Variants in DAB1 observed in about 807,000 individuals in gnomAD.
DAB1 encodes the protein DAB adaptor protein 1.
In DAB1, 15 loss-of-function variants were observed where a neutral mutation model predicts 64.6. The ratio of observed to expected loss-of-function variants is 0.23; its 90% CI spans 0.16 to 0.36. The LOEUF (loss-of-function observed/expected upper bound fraction) is 0.36. DAB1 is among the 10% of genes least tolerant of loss of function. The pLI is 1.00. For synonymous variants in DAB1, 235 were observed against 251.9 expected, an observed-to-expected ratio of 0.93 and a Z score of 0.64; for missense variants, 596 against 706.7, an observed-to-expected ratio of 0.84 and a Z score of 1.78.
chr1:58,385,174 G>A (rs1273255926), intron 3 of DAB1, among the ~76,000 whole-genome samples: 1 of 152,198 alleles, frequency 6.6e-6, no homozygotes, highest in Non-Finnish European at 1.5e-5. Flanking sequence ...ATTGATTGTG[G>A]TGATGGTAGC....
intron 1 of DAB1, among the ~76,000 whole-genome samples, chr1:57,349,536 G>A (rs1678404273): frequency 6.6e-6 from 1 of 152,174 alleles, no homozygotes. Context: ...CTCTGACGAA[G>A]GTCATCGGGA....
At chr1:57,695,352 GAAAAGAAAGAAGA>G (rs1646819120) in intron 6 of DAB1, among the ~76,000 whole-genome samples, 1 of 52,972 alleles carries the variant, frequency 1.9e-5, no homozygotes, top group African/African-American at 6.1e-5. Flanking sequence ...AAGAAAGAAA[GAAAAGAAAGAAGA>G]AAGAAAGAAA....
chr1:58,076,454 G>C (rs1360605873), intron 5 of DAB1, among the ~76,000 whole-genome samples: 1 of 152,152 alleles, frequency 6.6e-6, no homozygotes, highest in Non-Finnish European at 1.5e-5. Context: ...GGTTCCTGCA[G>C]AGTGGAAATC....
At chr1:58,439,995 G>T (rs1479911731) in intron 3 of DAB1, among the ~76,000 whole-genome samples, 2 of 152,186 alleles carry the variant, frequency 1.3e-5, no homozygotes, top group African/African-American at 4.8e-5. Context: ...TCTCTACGTG[G>T]TCACCTGGGA....
chr1:57,241,185 T>A (rs1558006690), intron 2 of DAB1, among the ~76,000 whole-genome samples: 1 of 152,208 alleles, frequency 6.6e-6, no homozygotes, highest in Non-Finnish European at 1.5e-5. Flanking sequence ...TATTAAATTA[T>A]TGAACTTAGC....
chr1:58,169,522 GA>G (rs777746665), intron 4 of DAB1, among the ~76,000 whole-genome samples: 6 of 152,008 alleles, frequency 3.9e-5, no homozygotes, highest in Admixed American at 3.9e-4. Context: ...CTCTGATGGG[GA>G]AAAAAAGCCA....
intron 6 of DAB1, among the ~76,000 whole-genome samples, chr1:57,655,923 G>T (rs1179616936): frequency 3.3e-5 from 5 of 152,126 alleles, no homozygotes; most frequent in African/African-American, 1.2e-4. Context: ...AGGAAAGTCT[G>T]TTTTCAATGG....
At chr1:58,405,873 G>A (rs932729574) in intron 3 of DAB1, among the ~76,000 whole-genome samples, 1 of 152,122 alleles carries the variant, frequency 6.6e-6, no homozygotes, top group Non-Finnish European at 1.5e-5. Flanking sequence ...CACTCCCCAT[G>A]TCTATTTGCT....
intron 7 of DAB1, among the ~76,000 whole-genome samples, chr1:57,634,111 C>T (rs184582371): frequency 3.3e-5 from 5 of 152,322 alleles, no homozygotes; most frequent in African/African-American, 1.2e-4. Context: ...AGACCTGCCT[C>T]TTTAAAGAAG....
At chr1:58,480,857 C>A in intron 3 of DAB1, 4 of 655,978 alleles carry the variant, frequency 6.1e-6, no homozygotes, top group Admixed American at 3.1e-5. Flanking sequence ...ATGATTTGAC[C>A]CTGAATATCC....
intron 2 of DAB1, among the ~76,000 whole-genome samples, chr1:57,215,645 C>A (rs1280516079): frequency 6.6e-6 from 1 of 152,186 alleles, no homozygotes; most frequent in Non-Finnish European, 1.5e-5. Flanking sequence ...GATTCTATAA[C>A]CTTTCTTAGA....
intron 5 of DAB1, among the ~76,000 whole-genome samples, chr1:58,016,685 A>G (rs903394735): frequency 2.0e-4 from 31 of 152,076 alleles, no homozygotes; most frequent in African/African-American, 7.0e-4. Flanking sequence ...AATTGCCTCT[A>G]TTGTCATTAG....
At chr1:57,330,657 G>A (rs1430759245) in intron 1 of DAB1, among the ~76,000 whole-genome samples, 2 of 152,164 alleles carry the variant, frequency 1.3e-5, no homozygotes, top group Non-Finnish European at 2.9e-5. Context: ...GACGTGATGT[G>A]CTTCTTGAGA....
intron 9 of DAB1, among the ~76,000 whole-genome samples, chr1:57,057,801 G>C (rs1278516829): frequency 1.3e-5 from 2 of 151,724 alleles, no homozygotes; most frequent in Non-Finnish European, 2.9e-5. Flanking sequence ...GTAGAGACGG[G>C]GTTTCACTGT....
intron 3 of DAB1, among the ~76,000 whole-genome samples, chr1:58,489,234 A>G (rs1039455929): frequency 3.3e-5 from 5 of 151,980 alleles, no homozygotes; most frequent in Non-Finnish European, 5.9e-5. Context: ...AAATTGGGTC[A>G]CTCCCACCCT....
At chr1:58,167,560 C>A (rs1460082778) in intron 4 of DAB1, among the ~76,000 whole-genome samples, 4 of 152,226 alleles carry the variant, frequency 2.6e-5, no homozygotes, top group Admixed American at 2.6e-4. Flanking sequence ...GCCACCCAAG[C>A]CAGCAGTGGC....
intron 3 of DAB1, among the ~76,000 whole-genome samples, chr1:58,494,655 G>A (rs1443655803): frequency 6.6e-6 from 1 of 151,868 alleles, no homozygotes; most frequent in Non-Finnish European, 1.5e-5. Context: ...GCAGCCAAAA[G>A]ACACATGAAA....
intron 5 of DAB1, among the ~76,000 whole-genome samples, chr1:58,019,453 G>A (rs1193076073): frequency 1.3e-5 from 2 of 152,124 alleles, no homozygotes; most frequent in East Asian, 1.9e-4. Context: ...AGCAAAGAAA[G>A]AAGAGAATAA....
intron 2 of DAB1, among the ~76,000 whole-genome samples, chr1:57,214,043 C>T (rs114593504): frequency 0.029 from 4,368 of 152,252 alleles, 77 homozygotes; most frequent in African/African-American, 0.036. Flanking sequence ...CTGAAGAAAA[C>T]ACTTGTCTTA....
Sources: allele counts gnomAD v4.1 joint callset (sites outside exome capture counted in the v4.1 genomes callset), GRCh38; gene constraint gnomAD v4.1.1; transcripts MANE v1.5; gene names NCBI Gene and HGNC (gene_info 2026-07-23, HGNC 2026-07-21).